Variants in MYT1 observed in about 807,000 individuals in gnomAD.
MYT1 encodes the protein myelin transcription factor I.
Under a neutral mutation model 123.0 loss-of-function variants are expected in MYT1, and 23 were observed. That is an observed-to-expected ratio of 0.19 (90% confidence interval 0.13 to 0.26). The LOEUF (loss-of-function observed/expected upper bound fraction) is 0.26. MYT1 is among the 10% of genes least tolerant of loss of function. The pLI, the probability that MYT1 is intolerant of heterozygous loss-of-function variation, is 1.00. For synonymous variants in MYT1, 518 were observed against 575.3 expected (o/e 0.90, Z 1.43); for missense variants, 1,125 against 1,472.5 (o/e 0.76, Z 3.86).
intron 13 of MYT1, 122 bp from the exon 14 acceptor site, chr20:64,221,771 G>A (rs1984010721): frequency 1.0e-6 from 1 of 978,614 alleles, no homozygotes; most frequent in African/African-American, 1.6e-5. Flanking sequence ...CAGAAGATAG[G>A]AGACTCCGGG....
intron 6 of MYT1, among the ~76,000 whole-genome samples, chr20:64,207,173 C>T (rs568154939): frequency 6.6e-6 from 1 of 152,216 alleles, no homozygotes; most frequent in Non-Finnish European, 1.5e-5. Flanking sequence ...CATGAGCCAC[C>T]GAGCCCATTC....
In MYT1 at chr20:64,166,605, C is replaced by A. The variant is rs946858884; in HGVS notation, c.-99+1866C>A. The stretch of plus-strand genomic sequence containing the variant: ...AGTGCCACTCGAGGGTTTTTGTGAC[C>A]CTCAGCCATTGCCCACAGATCTGGA... On this transcript the variant is annotated intron_variant, in intron 1 of 22. Coordinates refer to ENST00000328439, the MANE Select transcript of MYT1 (RefSeq NM_004535.3). This position sits in a 1 kb window ranked among gnomAD's most constrained non-coding sequence, Gnocchi z 4.9. 1.3e-5 allele frequency among the ~76,000 whole-genome samples: 2 copies of A among 152,162 alleles called. No homozygotes were observed. Among genetic ancestry groups the A allele is most frequent in the Non-Finnish European group, 2.9e-5 (2 of 68,006 alleles).
At chr20:64,188,542 C>T (rs776795945) in intron 1 of MYT1, among the ~76,000 whole-genome samples, 50 of 152,220 alleles carry the variant, frequency 3.3e-4, no homozygotes, top group Non-Finnish European at 5.4e-4. Flanking sequence ...ACAGAGGACC[C>T]CACGCCCCAT....
intron 2 of MYT1, among the ~76,000 whole-genome samples, 185 bp from the exon 3 acceptor site, chr20:64,198,677 C>T (rs1214163133): frequency 6.6e-6 from 1 of 152,224 alleles, no homozygotes; most frequent in African/African-American, 2.4e-5. Flanking sequence ...TCTCTACACC[C>T]TCCCACCTGC....
At chr20:64,216,875 G>A (rs1471110948) in intron 10 of MYT1, among the ~76,000 whole-genome samples, 192 bp from the exon 11 acceptor site, 1 of 152,198 alleles carries the variant, frequency 6.6e-6, no homozygotes, top group Non-Finnish European at 1.5e-5. Flanking sequence ...TGCTCTGGGA[G>A]CCCTTGACCC....
At chr20:64,176,039 CCTG>C (rs200018035) in intron 1 of MYT1, among the ~76,000 whole-genome samples, 1 of 3,760 alleles carries the variant, frequency 2.7e-4, no homozygotes, top group Non-Finnish European at 4.7e-4. Context: ...AGCATCTTTC[CCTG>C]TAGTTGTGTC....
intron 18 of MYT1, among the ~76,000 whole-genome samples, chr20:64,229,222 C>G (rs568770640): frequency 1.3e-5 from 2 of 152,324 alleles, no homozygotes; most frequent in East Asian, 1.9e-4. Context: ...AGGTCGCACA[C>G]TAAATGCTGA....
chr20:64,176,719 G>A (rs575204315), intron 1 of MYT1, among the ~76,000 whole-genome samples: 112 of 152,330 alleles, frequency 7.4e-4, no homozygotes, highest in African/African-American at 2.7e-3. Context: ...CCGGGCACCC[G>A]GCCTGGGTGT....
chr20:64,208,000 A>AGAG lies in MYT1; in HGVS notation c.819_821dup (p.Glu273dup), dbSNP rs370664533. On this transcript the variant is annotated inframe_insertion, in exon 7 of 23. Transcript: ENST00000328439. ...AGGACGAGGAGGAGGAGGAGGAGGA[A>AGAG]GAGGAGGAGGAGGAGGATGAAGAAG... 4.5e-6 allele frequency: 7 copies of AGAG among 1,560,540 alleles called. No homozygotes were observed. The highest frequency in any genetic ancestry group is 4.1e-5 in the African/African-American group (3 of 72,554).
chr20:64,180,543 A>AC (rs1361960635), intron 1 of MYT1, among the ~76,000 whole-genome samples: 3 of 152,026 alleles, frequency 2.0e-5, no homozygotes, highest in Non-Finnish European at 4.4e-5. Flanking sequence ...GGACAGCCCC[A>AC]CCCTCTGTTC....
intron 1 of MYT1, among the ~76,000 whole-genome samples, chr20:64,179,033 A>G (rs574430113): frequency 6.9e-6 from 1 of 145,716 alleles, no homozygotes; most frequent in Non-Finnish European, 1.5e-5. Context: ...GATACCCTTC[A>G]AGGTGGGAGC....
rs1983394591 is a variant in MYT1 at position 64,203,731 on chromosome 20, G to T, written c.87-1304G>T. Among the ~76,000 whole-genome samples, 1 of 152,218 alleles carries T rather than the reference G, an allele frequency of 6.6e-6. No homozygotes were observed. The highest frequency in any genetic ancestry group is 2.4e-5 in the African/African-American group (1 of 41,464). Reference sequence around the variant, plus strand: ...CTCCCAGAGGTAGTCGGGGAGGGTGGCCTGCAAGCCCACTGGGCCCCACAG... The same window carrying T: ...CTCCCAGAGGTAGTCGGGGAGGGTGTCCTGCAAGCCCACTGGGCCCCACAG... On this transcript the variant is annotated intron_variant, in intron 4 of 22. Coordinates refer to ENST00000328439, the MANE Select transcript of MYT1 (RefSeq NM_004535.3). This position sits in a 1 kb window ranked among gnomAD's most constrained non-coding sequence, Gnocchi z 5.1.
intron 17 of MYT1, 61 bp from the exon 18 acceptor site, chr20:64,227,827 A>T (rs1367000940): frequency 7.0e-7 from 1 of 1,430,174 alleles, no homozygotes; most frequent in African/African-American, 1.4e-5. Flanking sequence ...GGTGAGATGA[A>T]CGGGTGTGAG....
At chr20:64,179,221 T>C (rs1219304216) in intron 1 of MYT1, among the ~76,000 whole-genome samples, 1 of 151,500 alleles carries the variant, frequency 6.6e-6, no homozygotes, top group Non-Finnish European at 1.5e-5. Context: ...GAGCCATTAT[T>C]CGGTGGGATG....
intron 1 of MYT1, among the ~76,000 whole-genome samples, chr20:64,183,842 A>T (rs781452808): frequency 2.6e-5 from 4 of 152,062 alleles, no homozygotes; most frequent in Non-Finnish European, 5.9e-5. Flanking sequence ...TATTTTTGAG[A>T]CAGAGTCTTG....
Position 64,208,763 on chromosome 20 carries a change from A to G in MYT1, c.1291+276A>G, listed in dbSNP as rs962501638. Among the ~76,000 whole-genome samples, 3 of 152,362 alleles carry G rather than the reference A, an allele frequency of 2.0e-5. No homozygotes were observed. Among genetic ancestry groups the G allele is most frequent in the African/African-American group, 7.2e-5 (3 of 41,588 alleles). ...GTGGGAGGGACAGTGACCCACCCAC[A>G]GTGACTGGTCACAGCAGCATCTGGG... On this transcript the variant is annotated intron_variant, in intron 7 of 22. Coordinates refer to ENST00000328439, the MANE Select transcript of MYT1 (RefSeq NM_004535.3). The surrounding 1 kb of genome is among the most constrained non-coding windows in gnomAD (Gnocchi z 5.4).
rs756389366 is a variant in MYT1, at chr20:64,212,763, C to T, written c.1517+625C>T. ...GGAAGTGAAGCTTCCCGACCACCCT[C>T]GAGGTGTAGTTGTTGACTGGTCTTC... On this transcript the variant is annotated intron_variant, in intron 9 of 22. Coordinates refer to ENST00000328439, the MANE Select transcript of MYT1 (RefSeq NM_004535.3). This position sits in a 1 kb window ranked among gnomAD's most constrained non-coding sequence, Gnocchi z 6.8. 3.3e-5 allele frequency among the ~76,000 whole-genome samples: 5 copies of T among 151,880 alleles called. No homozygotes were observed. Among genetic ancestry groups the T allele is most frequent in the Admixed American group, 6.6e-5 (1 of 15,218 alleles).
Position 64,215,462 on chromosome 20 carries a change from T to G in MYT1, c.1632-1605T>G, listed in dbSNP as rs145371352. Reference sequence around the variant, plus strand: ...CAGCCCACATTTCTGGCTATCGAACTTTGGGGTGTGAGGACGGGCTTTGCA... The same window carrying G: ...CAGCCCACATTTCTGGCTATCGAACGTTGGGGTGTGAGGACGGGCTTTGCA... On this transcript the variant is annotated intron_variant, in intron 10 of 22. Transcript: ENST00000328439. Among the ~76,000 whole-genome samples, 118 of 152,292 alleles carry G rather than the reference T, an allele frequency of 7.7e-4. 1 individual carries two copies. The highest frequency in any genetic ancestry group is 1.1e-3 in the Non-Finnish European group (72 of 68,028).
At position 64,223,384 on chromosome 20, in the gene MYT1, T is replaced by G. The variant is rs144259446; in HGVS notation, c.2528+25T>G. 6.5e-4 allele frequency: 1,049 copies of G among 1,613,298 alleles called. 6 individuals carry two copies. The African/African-American group carries it at 0.012, about 19-fold the overall frequency. On this transcript the variant is annotated intron_variant, in intron 16 of 22. Coordinates refer to ENST00000328439, the MANE Select transcript of MYT1 (RefSeq NM_004535.3). ...AGTATGTTTGCGCTCCCTGACCTCC[T>G]GTCTCTTGGGCGGCACCCTCGCTTT... is the stretch of plus-strand genomic sequence containing the variant.
Sources: gnomAD v4.1 joint callset for allele counts (sites outside exome capture counted in the v4.1 genomes callset) on GRCh38, gnomAD v4.1.1 for gene constraint, Gnocchi (gnomAD v3.1) non-coding constraint, MANE v1.5 for transcripts, NCBI Gene and HGNC (gene_info 2026-07-23, HGNC 2026-07-21) for gene names.